The following TTLL11 variants were observed in gnomAD, a reference collection of about 807,000 sequenced individuals.
The protein encoded by TTLL11 is tubulin polyglutamylase TTLL11.
In TTLL11, 42 loss-of-function variants were observed where a neutral mutation model predicts 51.7. That is an observed-to-expected ratio of 0.81 (90% CI 0.64 to 1.05). The LOEUF is 1.05. TTLL11 is among the 50% of genes least tolerant of loss of function. The pLI, the probability that TTLL11 is intolerant of heterozygous loss-of-function variation, is 0.00. For synonymous variants in TTLL11, 381 were observed against 383.5 expected (o/e 0.99, Z 0.08); for missense variants, 799 against 940.4 (o/e 0.85, Z 1.97).
chr9:121,940,733 A>C (rs537833631), intron 6 of TTLL11, among the ~76,000 whole-genome samples: 2 of 152,360 alleles, frequency 1.3e-5, no homozygotes, highest in African/African-American at 4.8e-5. Context: ...CTCTACTCCG[A>C]AACTCTGTTT....
At chr9:121,826,451 C>T (rs1403811451) in intron 8 of TTLL11, among the ~76,000 whole-genome samples, 1 of 82,218 alleles carries the variant, frequency 1.2e-5, no homozygotes, top group Non-Finnish European at 2.5e-5. Context: ...ATGGGTAAAA[C>T]CATATATATA....
intron 3 of TTLL11, among the ~76,000 whole-genome samples, chr9:122,006,966 A>T (rs1843664864): frequency 8.1e-6 from 1 of 124,166 alleles, no homozygotes; most frequent in South Asian, 3.0e-4. Flanking sequence ...TCGGTGGCAG[A>T]GCGAGATACT....
At chr9:121,990,518 T>A (rs941926233) in intron 3 of TTLL11, among the ~76,000 whole-genome samples, 4 of 152,200 alleles carry the variant, frequency 2.6e-5, no homozygotes, top group Non-Finnish European at 4.4e-5. Flanking sequence ...GGAATCTAGA[T>A]TGATGACTGA....
At chr9:121,912,386 G>A (rs1430913432) in intron 6 of TTLL11, among the ~76,000 whole-genome samples, 3 of 92,178 alleles carry the variant, frequency 3.3e-5, no homozygotes, top group South Asian at 6.9e-4. Flanking sequence ...CTTCCCCCCC[G>A]CCCCCGTCCA....
chr9:121,989,275 C>G lies in TTLL11; in HGVS notation c.1189G>C (p.Val397Leu), dbSNP rs1843028155. The G allele has an allele frequency of 6.2e-7, 1 of 1,614,030 alleles. No individual in the cohort carries two copies. Among genetic ancestry groups the G allele is most frequent in the African/African-American group, 1.3e-5 (1 of 74,932 alleles). The change falls in exon 4 of 9, where the codon GTC (valine) becomes CTC (leucine). Residue 397 changes from valine to leucine, a missense_variant. By Grantham distance (32) the Val-to-Leu change is conservative (BLOSUM62 1). Around this residue, in one of 3 missense-constraint regions of TTLL11, gnomAD observed 468 missense variants for 612.8 expected, o/e 0.76. Coordinates refer to ENST00000321582, the MANE Select transcript of TTLL11 (RefSeq NM_001139442.2). This position sits in a 1 kb window ranked among gnomAD's most constrained non-coding sequence, Gnocchi z 4.2. ...SDIISVVIKT[V>L]IALTPELKVF... is the part of the protein sequence containing the mutation. Reference sequence around the variant, plus strand: ...TTGAGCTCTGGAGTCAGCGCGATGACCGTCTTAATCACCACGGAGATGATG... The same window carrying G: ...TTGAGCTCTGGAGTCAGCGCGATGAGCGTCTTAATCACCACGGAGATGATG...
At chr9:121,891,069 C>A (rs1839210714) in intron 6 of TTLL11, among the ~76,000 whole-genome samples, 1 of 152,208 alleles carries the variant, frequency 6.6e-6, no homozygotes, top group Admixed American at 6.5e-5. Flanking sequence ...CTTCACTAGG[C>A]TCCCATGACA....
At chr9:121,877,751 T>C (rs1447397891) in intron 6 of TTLL11, among the ~76,000 whole-genome samples, 1 of 152,242 alleles carries the variant, frequency 6.6e-6, no homozygotes, top group African/African-American at 2.4e-5. Context: ...TTATTATTAA[T>C]ATGATCCCCA....
chr9:121,914,152 T>C (rs1840240297), intron 6 of TTLL11, among the ~76,000 whole-genome samples: 1 of 152,230 alleles, frequency 6.6e-6, no homozygotes, highest in South Asian at 2.1e-4. Context: ...TGACAAGCTA[T>C]GGCCCTTGGG....
intron 2 of TTLL11, among the ~76,000 whole-genome samples, chr9:122,033,603 C>G (rs1287344479): frequency 1.3e-5 from 2 of 152,134 alleles, no homozygotes; most frequent in Non-Finnish European, 2.9e-5. Flanking sequence ...AATGGGCAGT[C>G]AGAATGAATG....
At chr9:121,859,059 C>A (rs116475195) in intron 8 of TTLL11, among the ~76,000 whole-genome samples, 1 of 152,194 alleles carries the variant, frequency 6.6e-6, no homozygotes, top group Non-Finnish European at 1.5e-5. Flanking sequence ...GCAGTTTACT[C>A]GTCTGTGAAA....
chr9:121,948,685 C>G (rs1841753644), intron 6 of TTLL11, among the ~76,000 whole-genome samples: 1 of 152,186 alleles, frequency 6.6e-6, no homozygotes, highest in Non-Finnish European at 1.5e-5. Flanking sequence ...AGTGGCAGAA[C>G]CAGGCTGGAG....
chr9:122,039,454 C>G (rs897935181), intron 1 of TTLL11, 86 bp from the exon 2 acceptor site: 48 of 1,018,810 alleles, frequency 4.7e-5, no homozygotes, highest in Non-Finnish European at 6.8e-5. Context: ...TTCCTGGCAC[C>G]CTGGTGTACT....
At chr9:121,960,783 G>A (rs145646747) in intron 6 of TTLL11, among the ~76,000 whole-genome samples, 175 of 152,244 alleles carry the variant, frequency 1.1e-3, no homozygotes, top group Non-Finnish European at 2.0e-3. Flanking sequence ...CATCCCCCAA[G>A]ACAGGAATTG....
chr9:121,945,384 C>T (rs540532514), intron 6 of TTLL11, among the ~76,000 whole-genome samples: 87 of 152,288 alleles, frequency 5.7e-4, no homozygotes, highest in African/African-American at 2.0e-3. Context: ...ATGCAAATGG[C>T]AAGGGCAGGA....
intron 6 of TTLL11, among the ~76,000 whole-genome samples, chr9:121,892,416 G>T (rs1001294808): frequency 6.6e-6 from 1 of 152,062 alleles, no homozygotes; most frequent in African/African-American, 2.4e-5. Flanking sequence ...CACTTCTTAA[G>T]TGGTGGCAAG....
intron 6 of TTLL11, among the ~76,000 whole-genome samples, chr9:121,895,704 G>T (rs1264787058): frequency 1.4e-3 from 7 of 5,084 alleles, no homozygotes; most frequent in East Asian, 4.6e-3. Context: ...TGATTGTGTG[G>T]GTTTGTGTGA....
At chr9:121,949,586 A>T (rs4837919) in intron 6 of TTLL11, among the ~76,000 whole-genome samples, 6 of 151,954 alleles carry the variant, frequency 3.9e-5, no homozygotes, top group African/African-American at 1.5e-4. Flanking sequence ...GCCTGGGGCC[A>T]CACAGTCAGT....
rs191361826 is a variant in TTLL11 at position 122,066,035 on chromosome 9, G to A, written c.462+26652C>T. The stretch of plus-strand genomic sequence containing the variant: ...GGGTAGGACGTTCTTAAATGGGGGT[G>A]GAGTAGAAGGAGGGGGAGTGTTAAT... On this transcript the variant is annotated intron_variant, in intron 1 of 8. Transcript: ENST00000321582. Among the ~76,000 whole-genome samples the A allele has an allele frequency of 1.2e-3, 177 of 152,114 alleles. 1 individual carries two copies. The highest frequency in any genetic ancestry group is 4.0e-3 in the African/African-American group (168 of 41,488).
rs773216524 is a variant in TTLL11 at position 121,995,978 on chromosome 9, G to T, written c.694-6208C>A. Among the ~76,000 whole-genome samples the T allele has an allele frequency of 6.6e-6, 1 of 152,328 alleles. No homozygotes were observed. Among genetic ancestry groups the T allele is most frequent in the South Asian group, 2.1e-4 (1 of 4,822 alleles). ...GCCACTGTGCAGGCAAACATTTTCAGCACTCCCTGGCTTTTGAAGAGTTCC... is the reference window on the plus strand; with the variant it reads ...GCCACTGTGCAGGCAAACATTTTCATCACTCCCTGGCTTTTGAAGAGTTCC... On this transcript the variant is annotated intron_variant, in intron 3 of 8. Coordinates refer to ENST00000321582, the MANE Select transcript of TTLL11 (RefSeq NM_001139442.2). This position sits in a 1 kb window ranked among gnomAD's most constrained non-coding sequence, Gnocchi z 4.4.
Sources: allele counts gnomAD v4.1 joint callset (sites outside exome capture counted in the v4.1 genomes callset), GRCh38; gene constraint gnomAD v4.1.1; regional missense constraint gnomAD v4.1.1; non-coding constraint Gnocchi (gnomAD v3.1); transcripts MANE v1.5; gene names NCBI Gene and HGNC (gene_info 2026-07-23, HGNC 2026-07-21).